CSMD3: variants seen among roughly 807,000 people sequenced by gnomAD.
CSMD3 encodes the protein CUB and sushi domain-containing protein 3.
CSMD3 carries 177 observed loss-of-function variants against 435.2 expected under a neutral mutation model. The ratio of observed to expected loss-of-function variants is 0.41; its 90% CI spans 0.36 to 0.46. CSMD3 has a LOEUF of 0.46. CSMD3 is among the 20% of genes least tolerant of loss of function. CSMD3 has a pLI of 0.34. For missense variants in CSMD3, 4,265 were observed against 4,504.6 expected (o/e 0.95, Z 1.52); for synonymous variants, 1,656 against 1,520.5 (o/e 1.09, Z -2.07).
intron 4 of CSMD3, among the ~76,000 whole-genome samples, chr8:113,118,306 T>C (rs2090894725): frequency 6.6e-6 from 1 of 152,222 alleles, no homozygotes; most frequent in Non-Finnish European, 1.5e-5. Flanking sequence ...ATCTAAAGAA[T>C]AGCTTATCTG....
At chr8:112,895,326 G>A (rs953938055) in intron 10 of CSMD3, among the ~76,000 whole-genome samples, 2 of 151,318 alleles carry the variant, frequency 1.3e-5, no homozygotes, top group Admixed American at 6.6e-5. Flanking sequence ...CAGCAATGAC[G>A]GTAAGTGGAG....
At chr8:113,342,858 TTATTA>T (rs1201728331) in intron 1 of CSMD3, among the ~76,000 whole-genome samples, 1 of 151,666 alleles carries the variant, frequency 6.6e-6, no homozygotes, top group Admixed American at 6.6e-5. Flanking sequence ...GTACATACTG[TTATTA>T]TATATTATTC....
At chr8:112,880,648 T>C (rs2081420579) in intron 10 of CSMD3, among the ~76,000 whole-genome samples, 1 of 152,022 alleles carries the variant, frequency 6.6e-6, no homozygotes, top group Admixed American at 6.6e-5. Flanking sequence ...GGCAATTCTT[T>C]TGATGGTGCT....
chr8:112,350,524 G>GT (rs1826040685), intron 40 of CSMD3, among the ~76,000 whole-genome samples: 1 of 151,596 alleles, frequency 6.6e-6, no homozygotes, highest in Non-Finnish European at 1.5e-5. Context: ...ACTCCAAATA[G>GT]TAATTGAATG....
At chr8:112,584,586 T>C (rs1002348508) in intron 23 of CSMD3, among the ~76,000 whole-genome samples, 1 of 151,700 alleles carries the variant, frequency 6.6e-6, no homozygotes, top group African/African-American at 2.4e-5. Context: ...TTTGTTTTGG[T>C]CAGAATCCAA....
intron 60 of CSMD3, among the ~76,000 whole-genome samples, chr8:112,265,002 G>T (rs1816800735): frequency 6.6e-6 from 1 of 151,830 alleles, no homozygotes; most frequent in Non-Finnish European, 1.5e-5. Context: ...TATAATTCAG[G>T]CCGGCTCTTC....
Position 112,650,287 on chromosome 8 carries a change from C to T in CSMD3, c.3067G>A (p.Gly1023Ser), listed in dbSNP as rs372047417. ...PGIPVHGRRY[G>S]HDFSIGSTVS... ...GTAGAGCCAATGGAGAAATCATGAC[C>T]ATAGCGACGGCCATGTACAGGTATG... Residue 1023 changes from glycine to serine, a missense_variant, in exon 19 of 71, where the codon GGT becomes AGT. Transcript: ENST00000297405. 7.4e-6 allele frequency: 12 copies of T among 1,613,884 alleles called. No individual in the cohort carries two copies. Among genetic ancestry groups the T allele is most frequent in the Non-Finnish European group, 9.3e-6 (11 of 1,179,882 alleles).
At chr8:113,159,417 T>G (rs1277988076) in intron 4 of CSMD3, among the ~76,000 whole-genome samples, 1 of 151,962 alleles carries the variant, frequency 6.6e-6, no homozygotes, top group Non-Finnish European at 1.5e-5. Flanking sequence ...GTATTTTGTT[T>G]TCTTTTTTTC....
At chr8:112,382,971 A>G (rs1829613783) in intron 37 of CSMD3, among the ~76,000 whole-genome samples, 1 of 152,240 alleles carries the variant, frequency 6.6e-6, no homozygotes, top group Admixed American at 6.5e-5. Context: ...AGCCTGGGAG[A>G]CAGAGCGAGA....
intron 64 of CSMD3, among the ~76,000 whole-genome samples, chr8:112,246,650 CA>C (rs989306918): frequency 6.6e-6 from 1 of 152,124 alleles, no homozygotes; most frequent in Non-Finnish European, 1.5e-5. Context: ...AATATTTTCA[CA>C]AGCGATTTTT....
At chr8:113,141,764 A>G (rs1469793139) in intron 4 of CSMD3, among the ~76,000 whole-genome samples, 2 of 151,022 alleles carry the variant, frequency 1.3e-5, no homozygotes, top group Non-Finnish European at 3.0e-5. Flanking sequence ...CATCAGGAAC[A>G]AGGCAAAAAT....
chr8:112,628,009 A>T (rs1834630919), intron 22 of CSMD3, among the ~76,000 whole-genome samples: 3 of 152,208 alleles, frequency 2.0e-5, no homozygotes, highest in Admixed American at 1.3e-4. Flanking sequence ...TAATGAGCTG[A>T]CTGGCTGCGT....
chr8:112,738,319 G>A (rs771315050), intron 13 of CSMD3, among the ~76,000 whole-genome samples: 2 of 151,622 alleles, frequency 1.3e-5, no homozygotes, highest in South Asian at 2.1e-4. Context: ...CTGTTTTACC[G>A]AATTATTCAG....
intron 12 of CSMD3, among the ~76,000 whole-genome samples, chr8:112,813,235 G>A (rs923320455): frequency 6.6e-6 from 1 of 152,144 alleles, no homozygotes; most frequent in East Asian, 1.9e-4. Context: ...GGTCCCAAAC[G>A]AATGGGTAGC....
At chr8:113,073,371 A>G (rs2089208808) in intron 5 of CSMD3, among the ~76,000 whole-genome samples, 1 of 151,800 alleles carries the variant, frequency 6.6e-6, no homozygotes, top group Non-Finnish European at 1.5e-5. Flanking sequence ...TGATAAAAAG[A>G]GTAGGTTTCC....
intron 1 of CSMD3, among the ~76,000 whole-genome samples, chr8:113,391,959 C>T (rs1309755697): frequency 6.6e-6 from 1 of 152,006 alleles, no homozygotes; most frequent in African/African-American, 2.4e-5. Flanking sequence ...AGTCTACATG[C>T]ATTACTGTAA....
chr8:113,163,547 AT>A (rs1256054426), intron 4 of CSMD3, among the ~76,000 whole-genome samples: 1 of 152,002 alleles, frequency 6.6e-6, no homozygotes, highest in African/African-American at 2.4e-5. Flanking sequence ...AAAGAAACTT[AT>A]TCTAGAAATT....
chr8:112,815,340 G>C (rs543208829), intron 12 of CSMD3, among the ~76,000 whole-genome samples: 2 of 152,226 alleles, frequency 1.3e-5, no homozygotes, highest in South Asian at 4.1e-4. Flanking sequence ...AATAAGGTAG[G>C]ATAATGTTTG....
chr8:112,680,639 A>C (rs920364641), intron 16 of CSMD3, among the ~76,000 whole-genome samples: 4 of 152,108 alleles, frequency 2.6e-5, no homozygotes, highest in African/African-American at 9.7e-5. Flanking sequence ...AAGAACACTA[A>C]AGTCATCTAG....
Sources: allele counts gnomAD v4.1 joint callset (sites outside exome capture counted in the v4.1 genomes callset), GRCh38; gene constraint gnomAD v4.1.1; transcripts MANE v1.5; gene names NCBI Gene and HGNC (gene_info 2026-07-23, HGNC 2026-07-21).